The following VTI1A variants were observed in gnomAD, a reference collection of about 807,000 sequenced individuals.
The protein encoded by VTI1A is vesicle transport through interaction with t-SNAREs homolog 1A.
A neutral mutation model predicts 34.9 loss-of-function variants in VTI1A; 22 were observed. That is an observed-to-expected ratio of 0.63 (90% CI 0.45 to 0.90). The LOEUF is 0.90. VTI1A is among the 40% of genes least tolerant of loss of function. VTI1A has a pLI of 0.00. For synonymous variants in VTI1A, 87 were observed against 97.3 expected, an observed-to-expected ratio of 0.89 and a Z score of 0.62; for missense variants, 268 against 275.6, an observed-to-expected ratio of 0.97 and a Z score of 0.20.
At chr10:112,647,489 C>T (rs776698087) in intron 5 of VTI1A, among the ~76,000 whole-genome samples, 7 of 152,160 alleles carry the variant, frequency 4.6e-5, no homozygotes, top group Non-Finnish European at 8.8e-5. Flanking sequence ...TCCACATTTT[C>T]TAAATGGAAA....
At chr10:112,538,432 C>T in intron 5 of VTI1A, 102 bp downstream of exon 5, 1 of 1,072,070 alleles carries the variant, frequency 9.3e-7, no homozygotes, top group Non-Finnish European at 1.4e-6. Context: ...GAGACAGCAG[C>T]CCGAGATGTG....
At chr10:112,729,527 C>T (rs149761913) in intron 7 of VTI1A, among the ~76,000 whole-genome samples, 17 of 152,238 alleles carry the variant, frequency 1.1e-4, no homozygotes, top group Non-Finnish European at 2.5e-4. Context: ...ACTTAGACTC[C>T]ATAAGGTTAA....
chr10:112,708,042 G>T (rs547570648), intron 7 of VTI1A, among the ~76,000 whole-genome samples: 5 of 152,238 alleles, frequency 3.3e-5, no homozygotes, highest in Non-Finnish European at 7.4e-5. Flanking sequence ...ATTCTTTACC[G>T]CCAAAGAAAG....
At chr10:112,783,588 CTTTGGCTTCATGGCTA>C in intron 7 of VTI1A, among the ~76,000 whole-genome samples, 1 of 152,322 alleles carries the variant, frequency 6.6e-6, no homozygotes, top group South Asian at 2.1e-4. Flanking sequence ...TTGCCGTGGC[CTTTGGCTTCATGGCTA>C]GTGTTCTACC....
chr10:112,575,365 T>G (rs1009323124), intron 5 of VTI1A, among the ~76,000 whole-genome samples: 8 of 152,246 alleles, frequency 5.3e-5, no homozygotes, highest in African/African-American at 1.9e-4. Flanking sequence ...ATAATCTTTG[T>G]AGCTGTTTTC....
At chr10:112,701,765 A>G (rs1355474111) in intron 7 of VTI1A, among the ~76,000 whole-genome samples, 1 of 152,192 alleles carries the variant, frequency 6.6e-6, no homozygotes, top group Non-Finnish European at 1.5e-5. Context: ...CTGAGTCTTA[A>G]AGGTTCATGT....
intron 2 of VTI1A, among the ~76,000 whole-genome samples, chr10:112,462,896 T>TTTTA (rs59884374): frequency 0.17 from 24,253 of 144,648 alleles, 2,199 homozygotes; most frequent in South Asian, 0.3. Context: ...TGTTACTGGT[T>TTTTA]TTTATTTATT....
chr10:112,787,268 T>C (rs117259217), intron 7 of VTI1A, among the ~76,000 whole-genome samples: 195 of 152,310 alleles, frequency 1.3e-3, no homozygotes, highest in South Asian at 8.1e-3. Flanking sequence ...CTGATATTGG[T>C]CATTTGTATC....
At chr10:112,573,943 A>C (rs910155606) in intron 5 of VTI1A, among the ~76,000 whole-genome samples, 1 of 152,216 alleles carries the variant, frequency 6.6e-6, no homozygotes, top group Non-Finnish European at 1.5e-5. Context: ...TTCCCCCAGA[A>C]GCTTCAGAAT....
rs1406089009 is a variant in VTI1A, at chr10:112,737,497, C to G, written c.560+68499C>G. 3 of 1,050,320 alleles carry G rather than the reference C, an allele frequency of 2.9e-6. No individual in the cohort carries two copies. The East Asian group carries it at 1.6e-4, about 57-fold the overall frequency. 65.1% of individuals were successfully genotyped at this position (1,050,320 alleles called of 1,614,324 possible). ...AAAGTCTCTTCCGCATCTTCTGTTC[C>G]CTGGGATGCCTTAGACGGGGTGTGC... On this transcript the variant is annotated intron_variant, in intron 7 of 7. Transcript: ENST00000393077.
chr10:112,583,612 A>G (rs1203506275), intron 5 of VTI1A, among the ~76,000 whole-genome samples: 1 of 152,234 alleles, frequency 6.6e-6, no homozygotes. Context: ...GGCACCTGTT[A>G]GAGGTGTGAT....
chr10:112,770,244 T>C (rs1487489548), intron 7 of VTI1A, among the ~76,000 whole-genome samples: 1 of 152,076 alleles, frequency 6.6e-6, no homozygotes, highest in African/African-American at 2.4e-5. Context: ...GTAACTGGCC[T>C]AAGATCACAC....
At chr10:112,705,191 T>C (rs1488746767) in intron 7 of VTI1A, among the ~76,000 whole-genome samples, 2 of 152,078 alleles carry the variant, frequency 1.3e-5, no homozygotes, top group African/African-American at 4.8e-5. Flanking sequence ...CATAAGCCAC[T>C]GTGCCCAGCC....
At chr10:112,622,166 C>G (rs918803450) in intron 5 of VTI1A, among the ~76,000 whole-genome samples, 22 of 152,126 alleles carry the variant, frequency 1.4e-4, no homozygotes, top group African/African-American at 5.3e-4. Context: ...AATGTGAGCA[C>G]AGAAATGTAT....
rs867098057 is a variant in VTI1A at position 112,787,733 on chromosome 10, G to T, written c.561-27557G>T. Among the ~76,000 whole-genome samples, 3 of 115,826 alleles carry T rather than the reference G, an allele frequency of 2.6e-5. No homozygotes were observed. In the South Asian group the frequency reaches 8.2e-4, roughly 31 times the overall value. 76.0% of individuals were successfully genotyped at this position (115,826 alleles called of 152,430 possible). ...TTTTTTTTTTTTGAGACAGAGTCTC[G>T]CACTGATGCCCAGGCTGGAGTGCAG... On this transcript the variant is annotated intron_variant, in intron 7 of 7. Transcript: ENST00000393077.
chr10:112,548,118 G>A lies in VTI1A; in HGVS notation c.427+9788G>A, dbSNP rs186354910. Among the ~76,000 whole-genome samples, 214 of 152,154 alleles carry A rather than the reference G, an allele frequency of 1.4e-3. 1 individual carries two copies. The highest frequency in any genetic ancestry group is 4.3e-3 in the African/African-American group (177 of 41,528). On this transcript the variant is annotated intron_variant, in intron 5 of 7. Coordinates refer to ENST00000393077, the MANE Select transcript of VTI1A (RefSeq NM_145206.4). ...ACTACTAATAGAGTTTTCCTAAGTCGTCTCATTATATGGAGATTTTGTGGT... is the reference window on the plus strand; with the variant it reads ...ACTACTAATAGAGTTTTCCTAAGTCATCTCATTATATGGAGATTTTGTGGT...
intron 3 of VTI1A, among the ~76,000 whole-genome samples, chr10:112,520,647 G>GTGTGTATA (rs1330449301): frequency 7.8e-6 from 1 of 128,996 alleles, no homozygotes; most frequent in Admixed American, 7.7e-5. Context: ...GTGTGTGTGT[G>GTGTGTATA]TATATATATA....
intron 7 of VTI1A, chr10:112,677,826 G>A (rs917509550): frequency 3.9e-5 from 6 of 152,230 alleles, no homozygotes; most frequent in African/African-American, 1.4e-4. Context: ...AGAATGAGGA[G>A]TTGCTATAGG....
intron 5 of VTI1A, among the ~76,000 whole-genome samples, chr10:112,654,195 C>G (rs1847141428): frequency 6.6e-6 from 1 of 152,198 alleles, no homozygotes; most frequent in Non-Finnish European, 1.5e-5. Flanking sequence ...GCTAATACTT[C>G]AGTTTATAAA....
Sources: gnomAD v4.1 joint callset for allele counts (sites outside exome capture counted in the v4.1 genomes callset) on GRCh38, gnomAD v4.1.1 for gene constraint, MANE v1.5 for transcripts, NCBI Gene and HGNC (gene_info 2026-07-23, HGNC 2026-07-21) for gene names.